Variants in UBR1 observed in about 807,000 individuals in gnomAD.
UBR1 encodes E3 ubiquitin-protein ligase UBR1.
A neutral mutation model predicts 242.1 loss-of-function variants in UBR1; 102 were observed. The ratio of observed to expected loss-of-function variants is 0.42; its 90% confidence interval spans 0.36 to 0.50. UBR1 has a LOEUF of 0.50. Among genes scored for constraint, UBR1 ranks in the 20% least tolerant of loss-of-function variants. The pLI is 0.01. For synonymous variants in UBR1, 675 were observed against 684.8 expected (o/e 0.99, Z 0.22); for missense variants, 1,772 against 2,101.8 (o/e 0.84, Z 3.07).
At position 43,050,710 on chromosome 15, in the gene UBR1, C is replaced by T. The variant is rs368929134; in HGVS notation, c.1440-2219G>A. Among the ~76,000 whole-genome samples, 10 of 133,950 alleles carry T rather than the reference C, an allele frequency of 7.5e-5. No homozygotes were observed. The East Asian group carries it at 8.4e-4, about 11-fold the overall frequency. 87.9% of individuals were successfully genotyped at this position (133,950 alleles called of 152,430 possible). A position where few individuals can be genotyped will look rare whatever the true frequency, so the allele number is the denominator to read the frequency against. ...CTGCATTCCAGCCTGGGCAACAGAG[C>T]GAGACTCCGTCTTAAAAAAAAAAAA... On this transcript the variant is annotated intron_variant, in intron 12 of 46. Transcript: ENST00000290650.
intron 39 of UBR1, 127 bp downstream of exon 39, chr15:42,976,590 A>ATAAC: frequency 1.8e-6 from 2 of 1,107,010 alleles, no homozygotes; most frequent in Non-Finnish European, 2.5e-6. Context: ...TAAAAAACAG[A>ATAAC]TAATCATTCA....
intron 46 of UBR1, among the ~76,000 whole-genome samples, chr15:42,946,373 G>A (rs548485499): frequency 5.3e-5 from 8 of 152,214 alleles, no homozygotes; most frequent in African/African-American, 1.4e-4. Flanking sequence ...TGATCCGCCC[G>A]CCTCGGCCTC....
At chr15:43,018,668 G>A (rs1207133567) in intron 27 of UBR1, among the ~76,000 whole-genome samples, 1 of 152,140 alleles carries the variant, frequency 6.6e-6, no homozygotes, top group Non-Finnish European at 1.5e-5. Flanking sequence ...TGGAACTATA[G>A]GTGTGAGTCA....
intron 45 of UBR1, among the ~76,000 whole-genome samples, chr15:42,950,972 AGGTAGTG>A (rs1282098363): frequency 6.6e-6 from 1 of 152,304 alleles, no homozygotes; most frequent in Non-Finnish European, 1.5e-5. Context: ...AGCTGGGATA[AGGTAGTG>A]GGTTTACTTG....
chr15:43,014,345 C>T (rs563150431), intron 29 of UBR1, among the ~76,000 whole-genome samples: 77 of 151,760 alleles, frequency 5.1e-4, no homozygotes, highest in Non-Finnish European at 9.1e-4. Flanking sequence ...GGCCGCGCAT[C>T]GTCTGGGATG....
At chr15:42,956,186 T>C (rs2031917207) in intron 44 of UBR1, among the ~76,000 whole-genome samples, 1 of 152,162 alleles carries the variant, frequency 6.6e-6, no homozygotes, top group Non-Finnish European at 1.5e-5. Flanking sequence ...AGATTTTGTT[T>C]AATAACGGTT....
intron 20 of UBR1, among the ~76,000 whole-genome samples, chr15:43,032,036 A>AAAAAC (rs1367847102): frequency 9.2e-5 from 14 of 152,302 alleles, no homozygotes; most frequent in Admixed American, 6.5e-4. Context: ...TCCGTCTCAA[A>AAAAAC]AAAACAAAAC....
At chr15:43,100,750 G>A (rs1043466967) in intron 1 of UBR1, among the ~76,000 whole-genome samples, 6 of 152,168 alleles carry the variant, frequency 3.9e-5, no homozygotes, top group Non-Finnish European at 7.3e-5. Flanking sequence ...CAGGAGAATC[G>A]CTTGAATCCG....
chr15:43,105,606 G>A (rs934270605), intron 1 of UBR1, among the ~76,000 whole-genome samples: 3 of 152,108 alleles, frequency 2.0e-5, no homozygotes, highest in Non-Finnish European at 4.4e-5. Flanking sequence ...TAAAGGGTTA[G>A]TACTGCTTCT....
chr15:42,973,889 T>G lies in UBR1; in HGVS notation c.4369+2828A>C, dbSNP rs1025845485. Among the ~76,000 whole-genome samples the G allele has an allele frequency of 6.2e-5, 9 of 145,464 alleles. No homozygotes were observed. In the South Asian group the frequency reaches 1.8e-3, roughly 30 times the overall value. ...TTTCTATGTTAACTTGTAGGAGTTT[T>G]TTTTTTTTTTTTTTTTTGAGATGGA... On this transcript the variant is annotated intron_variant, in intron 39 of 46. Coordinates refer to ENST00000290650, the MANE Select transcript of UBR1 (RefSeq NM_174916.3).
At chr15:42,965,313 T>C (rs2032087848) in intron 41 of UBR1, among the ~76,000 whole-genome samples, 1 of 152,132 alleles carries the variant, frequency 6.6e-6, no homozygotes, top group Non-Finnish European at 1.5e-5. Flanking sequence ...TTTTTACCCA[T>C]ACAAAGCCAC....
At chr15:43,101,190 C>A (rs887198375) in intron 1 of UBR1, among the ~76,000 whole-genome samples, 1 of 152,038 alleles carries the variant, frequency 6.6e-6, no homozygotes, top group Non-Finnish European at 1.5e-5. Flanking sequence ...AGGGGCTGGA[C>A]CAGGCAAAGT....
At position 43,058,438 on chromosome 15, in the gene UBR1, T is replaced by G. The variant is rs757105146; in HGVS notation, c.1094-9A>C. 1 of 1,605,180 alleles carries G rather than the reference T, an allele frequency of 6.2e-7. No individual in the cohort carries two copies. Among genetic ancestry groups the G allele is most frequent in the Admixed American group, 1.7e-5 (1 of 59,804 alleles). Reference sequence around the variant, plus strand: ...AAGGATCTTACGGGCACCTATAGATTATTTTGGGGAGGGTGGGGGAATGAG... The same window carrying G: ...AAGGATCTTACGGGCACCTATAGATGATTTTGGGGAGGGTGGGGGAATGAG... On this transcript the variant is annotated splice_polypyrimidine_tract_variant and intron_variant, in intron 9 of 46. Transcript: ENST00000290650.
At position 42,952,337 on chromosome 15, in the gene UBR1, C is replaced by A; in HGVS notation, c.4947G>T (p.Glu1649Asp). 6.2e-7 allele frequency: 1 copy of A among 1,614,194 alleles called. No homozygotes were observed. The highest frequency in any genetic ancestry group is 8.5e-7 in the Non-Finnish European group (1 of 1,180,042). Reference protein sequence around the residue: ...ICCQEIVNGEEVGACIFHALH... With the variant: ...ICCQEIVNGEDVGACIFHALH... ...GTGCGTGAAAAATGCAAGCTCCAAC[C>A]TCTTCCCCGTTCACAATTTCCTGGC... is the stretch of plus-strand genomic sequence containing the variant. Residue 1649 changes from glutamate (E) to aspartate (D), a missense_variant, in exon 45 of 47, where the codon GAG (glutamate) becomes GAT (aspartate). By Grantham distance (45) the Glu-to-Asp change is conservative. Coordinates refer to ENST00000290650, the MANE Select transcript of UBR1 (RefSeq NM_174916.3).
chr15:42,990,247 T>G (rs2032534153), intron 33 of UBR1, 127 bp from the exon 34 acceptor site: 5 of 702,048 alleles, frequency 7.1e-6, no homozygotes, highest in South Asian at 6.8e-5. Context: ...CACAGTGGCA[T>G]GATCATCTGT....
In UBR1 at chr15:43,086,064, G is replaced by A. The variant is rs755684640; in HGVS notation, c.258C>T (p.Cys86=). 2 of 1,613,938 alleles carry A rather than the reference G, an allele frequency of 1.2e-6. No homozygotes were observed. Among genetic ancestry groups the A allele is most frequent in the South Asian group, 2.2e-5 (2 of 91,082 alleles). Residue 86 remains cysteine (C), a synonymous_variant, in exon 2 of 47, where the codon TGC becomes TGT. Coordinates refer to ENST00000290650, the MANE Select transcript of UBR1 (RefSeq NM_174916.3). ...WYLFGEDPDI[C]LEKLKHSGAF... ...CTCCACTGTGCTTCAATTTCTCTAA[G>A]CAAATATCTGGATCTTCTCCAAATA...
At chr15:42,995,169 T>G (rs757842467) in intron 33 of UBR1, among the ~76,000 whole-genome samples, 18 of 152,226 alleles carry the variant, frequency 1.2e-4, no homozygotes, top group Admixed American at 2.0e-4. Context: ...AATTAAACAT[T>G]TAGAGGCCAA....
intron 1 of UBR1, among the ~76,000 whole-genome samples, chr15:43,102,842 T>C (rs1191797918): frequency 2.0e-5 from 3 of 152,226 alleles, no homozygotes; most frequent in African/African-American, 7.2e-5. Flanking sequence ...CCTCTGTGTG[T>C]GTGTATATAT....
chr15:43,008,407 G>A (rs190141783), intron 29 of UBR1, among the ~76,000 whole-genome samples: 18 of 152,358 alleles, frequency 1.2e-4, no homozygotes, highest in South Asian at 8.3e-4. Context: ...CACTAGGGGC[G>A]GTGCTGACAT....
Sources: gnomAD v4.1 joint callset for allele counts (sites outside exome capture counted in the v4.1 genomes callset) on GRCh38, gnomAD v4.1.1 for gene constraint, MANE v1.5 for transcripts, NCBI Gene and HGNC (gene_info 2026-07-23, HGNC 2026-07-21) for gene names.